PIK3R1: variants seen among roughly 807,000 people sequenced by gnomAD.
PIK3R1 encodes the protein phosphoinositide-3-kinase regulatory subunit 1, also known as phosphatidylinositol 3-kinase regulatory subunit alpha.
In PIK3R1, 29 loss-of-function variants were observed where a neutral mutation model predicts 98.0. The observed-to-expected ratio is 0.30, with a 90% CI of 0.22 to 0.40. The LOEUF is 0.40. Ranked by LOEUF, PIK3R1 falls within the 10% of genes least tolerant of loss-of-function variation. The pLI is 1.00. For synonymous variants in PIK3R1, 282 were observed against 311.8 expected (o/e 0.90, Z 1.01); for missense variants, 596 against 872.7 (o/e 0.68, Z 3.99).
chr5:68,275,586 G>A (rs1360415112), intron 4 of PIK3R1, among the ~76,000 whole-genome samples: 3 of 151,376 alleles, frequency 2.0e-5, no homozygotes, highest in Non-Finnish European at 4.4e-5. Context: ...TCACGTCAAT[G>A]GTACATTTTG....
intron 8 of PIK3R1, chr5:68,292,687 A>G: frequency 7.8e-7 from 1 of 1,285,868 alleles, no homozygotes; most frequent in Non-Finnish European, 9.9e-7. Flanking sequence ...ACACAATAAG[A>G]AAACAATGCC....
In PIK3R1 at chr5:68,224,713, C is replaced by T. The variant is rs192764659; in HGVS notation, c.-386-1577C>T. ...AATTGTGTGGCTATTGTTTTTATTG[C>T]TTTATTGTGCAGCCAGCTTAACTGA... On this transcript the variant is annotated intron_variant, in intron 1 of 15. Coordinates refer to ENST00000521381, the MANE Select transcript of PIK3R1 (RefSeq NM_181523.3). Among the ~76,000 whole-genome samples, 139 of 152,186 alleles carry T rather than the reference C, an allele frequency of 9.1e-4. 1 individual carries two copies. The highest frequency in any genetic ancestry group is 3.2e-3 in the African/African-American group (133 of 41,510).
chr5:68,228,841 A>G (rs921068052), intron 2 of PIK3R1, among the ~76,000 whole-genome samples: 4 of 152,224 alleles, frequency 2.6e-5, no homozygotes, highest in Non-Finnish European at 4.4e-5. Context: ...ATCAGGTGCA[A>G]GTTTCTTTGG....
At position 68,226,851 on chromosome 5, in the gene PIK3R1, A is replaced by T; in HGVS notation, c.176A>T (p.Tyr59Phe). 1 of 1,614,190 alleles carries T rather than the reference A, an allele frequency of 6.2e-7. No individual in the cohort carries two copies. The highest frequency in any genetic ancestry group is 8.5e-7 in the Non-Finnish European group (1 of 1,180,030). Reference sequence around the variant, plus strand: ...GAAGAAATTGGCTGGTTAAATGGCTATAATGAAACCACAGGGGAAAGGGGG... The same window carrying T: ...GAAGAAATTGGCTGGTTAAATGGCTTTAATGAAACCACAGGGGAAAGGGGG... ...RPEEIGWLNG[Y>F]NETTGERGDF... Residue 59 changes from tyrosine (Y) to phenylalanine (F), a missense_variant, in exon 2 of 16, where the codon TAT becomes TTT. Around this residue, in one of 3 missense-constraint regions of PIK3R1, gnomAD observed 352 missense variants for 393.3 expected, o/e 0.90. Coordinates refer to ENST00000521381, the MANE Select transcript of PIK3R1 (RefSeq NM_181523.3).
At chr5:68,245,574 G>C (rs1314679434) in intron 2 of PIK3R1, among the ~76,000 whole-genome samples, 7 of 152,112 alleles carry the variant, frequency 4.6e-5, no homozygotes, top group Non-Finnish European at 1.0e-4. Context: ...ACCTAAAGAC[G>C]GTAACATACT....
intron 2 of PIK3R1, among the ~76,000 whole-genome samples, chr5:68,268,746 G>A (rs1010238266): frequency 1.3e-5 from 2 of 152,190 alleles, no homozygotes; most frequent in African/African-American, 2.4e-5. Context: ...GCCCTGCCAG[G>A]CACTAACTTC....
At chr5:68,280,824 G>A in intron 6 of PIK3R1, 95 bp downstream of exon 6, 2 of 1,270,636 alleles carry the variant, frequency 1.6e-6, no homozygotes, top group East Asian at 2.3e-5. Context: ...CTACTCCAGA[G>A]ATGCATGTGC....
At chr5:68,280,832 T>C in intron 6 of PIK3R1, 95 bp from the exon 7 acceptor site, 1 of 1,255,622 alleles carries the variant, frequency 8.0e-7, no homozygotes, top group South Asian at 1.3e-5. Flanking sequence ...GAGATGCATG[T>C]GCAGATGCTA....
chr5:68,292,758 T>C, intron 8 of PIK3R1: 1 of 1,270,954 alleles, frequency 7.9e-7, no homozygotes, highest in Non-Finnish European at 1.0e-6. Flanking sequence ...AGATCATGAG[T>C]TTCTGTGCTC....
chr5:68,262,386 T>TTATATATATATATATA (rs1554047786), intron 2 of PIK3R1, among the ~76,000 whole-genome samples: 1 of 138,552 alleles, frequency 7.2e-6, no homozygotes, highest in African/African-American at 2.7e-5. Flanking sequence ...TCTATAATTT[T>TTATATATATATATATA]TATATATATA....
chr5:68,235,572 A>C (rs1744635529), intron 2 of PIK3R1, among the ~76,000 whole-genome samples: 4 of 152,160 alleles, frequency 2.6e-5, no homozygotes, highest in Non-Finnish European at 1.5e-5. Flanking sequence ...ATTTCAAAGC[A>C]TTTTACACAT....
intron 2 of PIK3R1, among the ~76,000 whole-genome samples, chr5:68,253,845 T>C (rs190285569): frequency 6.6e-6 from 1 of 152,300 alleles, no homozygotes; most frequent in African/African-American, 2.4e-5. Flanking sequence ...GTAGTCATAT[T>C]CTCTCAGCAC....
intron 7 of PIK3R1, chr5:68,288,746 T>C (rs1156557959): frequency 6.2e-7 from 1 of 1,613,748 alleles, no homozygotes; most frequent in South Asian, 1.1e-5. Flanking sequence ...ATGCATAACC[T>C]GCAAAGTAAG....
At chr5:68,285,426 T>C (rs1250499475) in intron 7 of PIK3R1, among the ~76,000 whole-genome samples, 1 of 152,230 alleles carries the variant, frequency 6.6e-6, no homozygotes, top group Non-Finnish European at 1.5e-5. Context: ...TCTGATTTAA[T>C]TTTTATTGGT....
intron 2 of PIK3R1, among the ~76,000 whole-genome samples, chr5:68,238,582 A>C (rs909874762): frequency 6.6e-6 from 1 of 152,208 alleles, no homozygotes; most frequent in Admixed American, 6.5e-5. Flanking sequence ...CTAAGTTAAA[A>C]ATGTAATAGC....
chr5:68,276,337 A>G (rs7735075), intron 4 of PIK3R1, among the ~76,000 whole-genome samples: 2,712 of 152,254 alleles, frequency 0.018, 69 homozygotes, highest in African/African-American at 0.06. Context: ...AGTTGTGACA[A>G]TCAGAAATGT....
intron 2 of PIK3R1, among the ~76,000 whole-genome samples, chr5:68,246,502 A>T (rs917234861): frequency 6.6e-6 from 1 of 151,946 alleles, no homozygotes; most frequent in Non-Finnish European, 1.5e-5. Flanking sequence ...TAGTAGAGAC[A>T]GGGTTTCACC....
intron 2 of PIK3R1, among the ~76,000 whole-genome samples, chr5:68,271,794 T>G (rs1256420468): frequency 1.5e-5 from 2 of 134,234 alleles, no homozygotes; most frequent in African/African-American, 7.0e-5. Context: ...GGTGGAAAGA[T>G]CATGCATCCA....
chr5:68,292,235 C>A, intron 7 of PIK3R1, 24 bp from the exon 8 acceptor site: 2 of 1,518,282 alleles, frequency 1.3e-6, no homozygotes, highest in Non-Finnish European at 1.8e-6. Context: ...GGATTGCGAA[C>A]AACTTTTTCT....
Sources: gnomAD v4.1 joint callset for allele counts (sites outside exome capture counted in the v4.1 genomes callset) on GRCh38, gnomAD v4.1.1 for gene constraint, gnomAD v4.1.1 regional missense constraint, MANE v1.5 for transcripts, NCBI Gene and HGNC (gene_info 2026-07-23, HGNC 2026-07-21) for gene names.